Variants in KCND1 observed in about 807,000 individuals in gnomAD.
KCND1 encodes A-type voltage-gated potassium channel KCND1.
A neutral mutation model predicts 31.8 loss-of-function variants in KCND1; 11 were observed. The observed-to-expected ratio is 0.35, with a 90% CI of 0.22 to 0.57. KCND1 has a LOEUF of 0.57. KCND1 is among the 20% of genes least tolerant of loss of function. The probability of loss-of-function intolerance (pLI) is 0.85; values close to 1 mark genes in which losing one functional copy is unlikely to be tolerated. For synonymous variants in KCND1, 234 were observed against 248.1 expected (o/e 0.94, Z 0.53); for missense variants, 471 against 596.8 (o/e 0.79, Z 2.20).
chrX:48,961,625 C>T lies in KCND1; in HGVS notation c.*956G>A, dbSNP rs782071603. 7.7e-4 allele frequency: 86 copies of T among 111,814 alleles called. 1 individual carries two copies. The highest frequency in any genetic ancestry group is 2.6e-3 in the African/African-American group (79 of 30,793). The allele number at this position is 111,814 out of a possible 1,213,427, so 9.2% of individuals were successfully genotyped here. On this transcript the variant is annotated 3_prime_UTR_variant, in exon 6 of 6. Transcript: ENST00000218176. ...CCCAAAGTTCAGAAACATCCCAGGC[C>T]GGAGCCCCTGATGCTTCTGGACTGT...
intron 1 of KCND1, 26 bp downstream of exon 1, chrX:48,969,125 G>GC: frequency 8.4e-7 from 1 of 1,184,807 alleles, no homozygotes; most frequent in Non-Finnish European, 1.1e-6. Flanking sequence ...TAATCGGGCA[G>GC]CCCCCAACGC....
intron 5 of KCND1, among the ~76,000 whole-genome samples, chrX:48,964,762 G>A (rs1363129044): frequency 9.7e-5 from 10 of 103,245 alleles, no homozygotes; most frequent in Admixed American, 2.1e-4. Flanking sequence ...GGTGGCTCAC[G>A]CCTGTAATCC....
chrX:48,968,009 A>G (rs1318958867), intron 1 of KCND1: 1 of 111,766 alleles, frequency 8.9e-6, no homozygotes, highest in Non-Finnish European at 1.9e-5. Flanking sequence ...AGCCATCAAA[A>G]TACTCAGTTC....
At chrX:48,968,098 A>G (rs1020182718) in intron 1 of KCND1, 2 of 111,772 alleles carry the variant, frequency 1.8e-5, no homozygotes, top group African/African-American at 6.5e-5. Flanking sequence ...TCTACGCTTT[A>G]GAAACCCCAA....
chrX:48,969,897 G>T lies in KCND1; in HGVS notation c.375C>A (p.Pro125=). 8.3e-7 allele frequency: 1 copy of T among 1,211,562 alleles called. No homozygotes were observed. ...DEELAFYGLV[P]ELVGDCCLEE... ...CAAGGCAGCAGTCACCGACTAGCTC[G>T]GGAACCAGGCCGTAGAAAGCCAGCT... Residue 125 remains proline (P), a synonymous_variant, in exon 1 of 6, where the codon CCC becomes CCA. Coordinates refer to ENST00000218176, the MANE Select transcript of KCND1 (RefSeq NM_004979.6).
intron 5 of KCND1, among the ~76,000 whole-genome samples, chrX:48,965,485 G>A (rs1411947718): frequency 8.9e-6 from 1 of 112,143 alleles, no homozygotes; most frequent in Non-Finnish European, 1.9e-5. Context: ...AGAGGACTGG[G>A]ATACAGGGGC....
Position 48,961,975 on chromosome X carries a change from G to A in KCND1, c.*606C>T, listed in dbSNP as rs1212697969. 1 of 113,455 alleles carries A rather than the reference G, an allele frequency of 8.8e-6. No individual in the cohort carries two copies. Among genetic ancestry groups the A allele is most frequent in the Non-Finnish European group, 1.9e-5 (1 of 53,509 alleles). The allele number at this position is 113,455 out of a possible 1,213,427, so 9.3% of individuals were successfully genotyped here. On this transcript the variant is annotated 3_prime_UTR_variant, in exon 6 of 6. Coordinates refer to ENST00000218176, the MANE Select transcript of KCND1 (RefSeq NM_004979.6). ...GGATGGTAGAATTTGTGCTATCTGA[G>A]TGTGTGTTGGGAGAGGCAGCCTGAC... is the stretch of plus-strand genomic sequence containing the variant.
In KCND1 at chrX:48,969,556, A is replaced by C. The variant is rs373967664; in HGVS notation, c.716T>G (p.Val239Gly). ...QAFFCMDTAC[V>G]LIFTGEYLLR... ...GAGGTATTCACCTGTGAATATGAGTACACAGGCTGTGTCCATGCAGAAAAA... is the reference window on the plus strand; with the variant it reads ...GAGGTATTCACCTGTGAATATGAGTCCACAGGCTGTGTCCATGCAGAAAAA... The change falls in exon 1 of 6, where the codon GTA becomes GGA. Residue 239 changes from valine to glycine, a missense_variant. Coordinates refer to ENST00000218176, the MANE Select transcript of KCND1 (RefSeq NM_004979.6). 3 of 1,210,515 alleles carry C rather than the reference A, an allele frequency of 2.5e-6. No homozygotes were observed. The highest frequency in any genetic ancestry group is 3.4e-6 in the Non-Finnish European group (3 of 894,699).
In KCND1 at chrX:48,969,172, A is replaced by G; in HGVS notation, c.1100T>C (p.Ile367Thr). ...TSIPAAFWYT[I>T]VTMTTLGYGD... is the part of the protein sequence containing the mutation. ...TCACCCAAGCGTGGTCATGGTGACA[A>G]TGGTATACCAGAAGGCCGCAGGGAT... Residue 367 changes from isoleucine (I) to threonine (T), a missense_variant, in exon 1 of 6, where the codon ATT becomes ACT. This residue lies in a region of KCND1 where 74 missense variants were observed against 154.2 expected (regional missense o/e 0.48). Transcript: ENST00000218176. 1 of 1,210,369 alleles carries G rather than the reference A, an allele frequency of 8.3e-7. No homozygotes were observed. The highest frequency in any genetic ancestry group is 3.0e-5 in the East Asian group (1 of 33,835).
In KCND1 at chrX:48,969,810, C is replaced by T; in HGVS notation, c.462G>A (p.Glu154=). The change falls in exon 1 of 6, where the codon GAG becomes GAA. Residue 154 remains glutamate, a synonymous_variant. Transcript: ENST00000218176. ...AERLAEDEEA[E]QAGDGPALPA... The stretch of plus-strand genomic sequence containing the variant: ...GCAGGGCTGGGCCGTCCCCGGCCTG[C>T]TCTGCCTCCTCATCCTCTGCCAGGC... The T allele has an allele frequency of 1.7e-6, 2 of 1,208,957 alleles. No homozygotes were observed. The highest frequency in any genetic ancestry group is 3.0e-5 in the East Asian group (1 of 33,691).
chrX:48,969,735 T>G lies in KCND1; in HGVS notation c.537A>C (p.Pro179=). 8.3e-7 allele frequency: 1 copy of G among 1,209,064 alleles called. No homozygotes were observed. Among genetic ancestry groups the G allele is most frequent in the Non-Finnish European group, 1.1e-6 (1 of 894,485 alleles). ...AAACGAGGGCTGCGGTGCTCGTGTG[T>G]GGATTCTCGAAGGCCCGCCAGAGCC... ...RQRLWRAFEN[P]HTSTAALVFY... The change falls in exon 1 of 6, where the codon CCA becomes CCC. Residue 179 remains proline, a synonymous_variant. Coordinates refer to ENST00000218176, the MANE Select transcript of KCND1 (RefSeq NM_004979.6).
At chrX:48,967,254 T>C in intron 1 of KCND1, 148 bp from the exon 2 acceptor site, 1 of 496,555 alleles carries the variant, frequency 2.0e-6, no homozygotes, top group Admixed American at 3.6e-5. Context: ...CTCTGTAAAA[T>C]GCTGGGTGGC....
intron 5 of KCND1, among the ~76,000 whole-genome samples, chrX:48,964,190 C>T (rs2064338174): frequency 8.9e-6 from 1 of 112,058 alleles, no homozygotes; most frequent in Non-Finnish European, 1.9e-5. Flanking sequence ...TGAGGCCAGC[C>T]TGGCCAACAT....
At chrX:48,966,711 C>T in intron 3 of KCND1, 35 bp from the exon 4 acceptor site, 1 of 1,201,671 alleles carries the variant, frequency 8.3e-7, no homozygotes, top group Non-Finnish European at 1.1e-6. Context: ...AAGGGCAGCA[C>T]CTTCCTCCCC....
Position 48,969,658 on chromosome X carries a change from A to G in KCND1, c.614T>C (p.Val205Ala), listed in dbSNP as rs2064373488. 1 of 1,210,901 alleles carries G rather than the reference A, an allele frequency of 8.3e-7. No individual in the cohort carries two copies. The highest frequency in any genetic ancestry group is 1.1e-6 in the Non-Finnish European group (1 of 895,248). Residue 205 changes from valine to alanine, a missense_variant, in exon 1 of 6, where the codon GTG becomes GCG. Val to Ala is a moderately conservative substitution (Grantham distance 64). This residue lies in a region of KCND1 where 212 missense variants were observed against 257.9 expected (regional missense o/e 0.82). Coordinates refer to ENST00000218176, the MANE Select transcript of KCND1 (RefSeq NM_004979.6). The stretch of plus-strand genomic sequence containing the variant: ...AGAGCCGCGGCATGGGATGGTCTCC[A>G]CCACATTGGCGATGACCGACACGGC... The part of the protein sequence containing the change: ...FIAVSVIANV[V>A]ETIPCRGSAR...
In KCND1 at chrX:48,966,824, G is replaced by T; in HGVS notation, c.1305C>A (p.Ile435=). Reference sequence around the variant, plus strand: ...TGGTGGTACCACTCTTTGCCAATCGGATCCTTGCCAAGCGCACCTTCTGCA... The same window carrying T: ...TGGTGGTACCACTCTTTGCCAATCGTATCCTTGCCAAGCGCACCTTCTGCA... ...RAQQKVRLAR[I]RLAKSGTTNA... Residue 435 remains isoleucine (I), a synonymous_variant, in exon 3 of 6, where the codon ATC becomes ATA. Transcript: ENST00000218176. The T allele has an allele frequency of 8.3e-7, 1 of 1,206,385 alleles. No homozygotes were observed. The highest frequency in any genetic ancestry group is 1.1e-6 in the Non-Finnish European group (1 of 893,290).
rs1334167313 is a variant in KCND1 at position 48,962,426 on chromosome X, C to G, written c.*155G>C. Reference sequence around the variant, plus strand: ...TTCTCATTTCCTGGCTACTTCCCCACTATGTGGACCATTTCATGAAACTCC... The same window carrying G: ...TTCTCATTTCCTGGCTACTTCCCCAGTATGTGGACCATTTCATGAAACTCC... On this transcript the variant is annotated 3_prime_UTR_variant, in exon 6 of 6. Transcript: ENST00000218176. 1.4e-5 allele frequency: 6 copies of G among 442,032 alleles called. No homozygotes were observed. Among genetic ancestry groups the G allele is most frequent in the Non-Finnish European group, 1.6e-5 (4 of 251,957 alleles). The allele number at this position is 442,032 out of a possible 1,213,427, so 36.4% of individuals were successfully genotyped here. A position where few individuals can be genotyped will look rare whatever the true frequency, so the allele number is the denominator to read the frequency against.
intron 1 of KCND1, chrX:48,967,978 T>C (rs1557058287): frequency 8.9e-6 from 1 of 111,878 alleles, no homozygotes; most frequent in East Asian, 2.8e-4. Context: ...AGAGTTGTTG[T>C]GAGGACTTGA....
At chrX:48,962,940 C>T (rs2064331763) in intron 5 of KCND1, 134 bp from the exon 6 acceptor site, 3 of 475,446 alleles carry the variant, frequency 6.3e-6, no homozygotes, top group Non-Finnish European at 1.1e-5. Flanking sequence ...AGTTCGAGAC[C>T]AGCCTGACCA....
Sources: allele counts gnomAD v4.1 joint callset (sites outside exome capture counted in the v4.1 genomes callset), GRCh38; gene constraint gnomAD v4.1.1; regional missense constraint gnomAD v4.1.1; transcripts MANE v1.5; gene names NCBI Gene and HGNC (gene_info 2026-07-23, HGNC 2026-07-21).